The following NUP54 variants were observed in gnomAD, a reference collection of about 807,000 sequenced individuals.
NUP54 encodes the protein nucleoporin p54.
A neutral mutation model predicts 66.4 loss-of-function variants in NUP54; 27 were observed. The ratio of observed to expected loss-of-function variants is 0.41; its 90% CI spans 0.30 to 0.56. NUP54 has a LOEUF of 0.56. NUP54 is among the 20% of genes least tolerant of loss of function. The probability of loss-of-function intolerance (pLI) is 0.34; values close to 1 mark genes in which losing one functional copy is unlikely to be tolerated. For synonymous variants in NUP54, 206 were observed against 210.7 expected (o/e 0.98, Z 0.19); for missense variants, 486 against 596.3 (o/e 0.82, Z 1.93).
At chr4:76,118,933 G>A (rs1730098066) in intron 9 of NUP54, among the ~76,000 whole-genome samples, 1 of 151,972 alleles carries the variant, frequency 6.6e-6, no homozygotes. Context: ...GAAAACCCGG[G>A]AGGCAGAGCT....
At chr4:76,116,929 G>A (rs1729976922) in intron 11 of NUP54, among the ~76,000 whole-genome samples, 2 of 152,118 alleles carry the variant, frequency 1.3e-5, no homozygotes, top group South Asian at 4.1e-4. Context: ...TGGCAAAACA[G>A]GCATACCATA....
intron 11 of NUP54, among the ~76,000 whole-genome samples, chr4:76,116,724 A>T (rs1008212185): frequency 6.6e-6 from 1 of 152,206 alleles, no homozygotes; most frequent in African/African-American, 2.4e-5. Context: ...AGTGCATACA[A>T]ATCATTCTAT....
At position 76,134,795 on chromosome 4, in the gene NUP54, A is replaced by G. The variant is rs534177493; in HGVS notation, c.523-433T>C. 8.5e-5 allele frequency among the ~76,000 whole-genome samples: 13 copies of G among 152,236 alleles called. No homozygotes were observed. In the South Asian group the frequency reaches 2.1e-3, roughly 24 times the overall value. On this transcript the variant is annotated intron_variant, in intron 4 of 11. Transcript: ENST00000264883. ...GAAAGCAATACGCATTCATATATACATACATGTAAACCATACATGGAATTC... is the reference window on the plus strand; with the variant it reads ...GAAAGCAATACGCATTCATATATACGTACATGTAAACCATACATGGAATTC...
Position 76,142,162 on chromosome 4 carries a change from G to A in NUP54, c.295+1987C>T, listed in dbSNP as rs557323419. 3.9e-4 allele frequency among the ~76,000 whole-genome samples: 59 copies of A among 152,294 alleles called. No homozygotes were observed. In the South Asian group the frequency reaches 5.2e-3, roughly 13 times the overall value. ...CCAAATGTAACTACAGTTACTCATAGTTGGAGAGACTTTATTTCAAGAAAC... is the reference window on the plus strand; with the variant it reads ...CCAAATGTAACTACAGTTACTCATAATTGGAGAGACTTTATTTCAAGAAAC... On this transcript the variant is annotated intron_variant, in intron 3 of 11. Coordinates refer to ENST00000264883, the MANE Select transcript of NUP54 (RefSeq NM_017426.4).
chr4:76,120,674 G>A (rs34019987), intron 9 of NUP54, among the ~76,000 whole-genome samples: 27,041 of 152,026 alleles, frequency 0.18, 2,519 homozygotes, highest in East Asian at 0.36. Context: ...TGATCCACCC[G>A]CCTCGGCCTC....
At chr4:76,128,103 G>C (rs573722822) in intron 8 of NUP54, among the ~76,000 whole-genome samples, 1 of 152,284 alleles carries the variant, frequency 6.6e-6, no homozygotes, top group East Asian at 1.9e-4. Flanking sequence ...AGCTCCAAGG[G>C]AAGTCTGCTA....
Position 76,115,200 on chromosome 4 carries a change from C to T in NUP54, c.*166G>A. ...TTTTCTTTGAAGAGCTGTGAGGTGA[C>T]TATTTCAGATTTGATGAACAGTAAT... is the stretch of plus-strand genomic sequence containing the variant. On this transcript the variant is annotated 3_prime_UTR_variant, in exon 12 of 12. Coordinates refer to ENST00000264883, the MANE Select transcript of NUP54 (RefSeq NM_017426.4). 2.0e-6 allele frequency: 1 copy of T among 500,046 alleles called. No homozygotes were observed. Among genetic ancestry groups the T allele is most frequent in the Non-Finnish European group, 3.3e-6 (1 of 300,322 alleles). The allele number at this position is 500,046 out of a possible 1,614,324, so 31.0% of individuals were successfully genotyped here. A position where few individuals can be genotyped will look rare whatever the true frequency, so the allele number is the denominator to read the frequency against.
intron 6 of NUP54, 41 bp from the exon 7 acceptor site, chr4:76,131,325 A>G: frequency 7.9e-7 from 1 of 1,265,128 alleles, no homozygotes; most frequent in Non-Finnish European, 1.1e-6. Context: ...ACAATTTTCT[A>G]TTTTTATAAT....
chr4:76,129,706 A>T (rs1438445213), intron 8 of NUP54, among the ~76,000 whole-genome samples: 1 of 151,898 alleles, frequency 6.6e-6, no homozygotes, highest in African/African-American at 2.4e-5. Context: ...TCTACTAAAA[A>T]TACAAAAAAT....
rs1729894541 is a variant in NUP54 at position 76,115,204 on chromosome 4, T to C, written c.*162A>G. 3 of 527,382 alleles carry C rather than the reference T, an allele frequency of 5.7e-6. No homozygotes were observed. The highest frequency in any genetic ancestry group is 9.3e-6 in the Non-Finnish European group (3 of 323,066). 32.7% of individuals were successfully genotyped at this position (527,382 alleles called of 1,614,324 possible). The stretch of plus-strand genomic sequence containing the variant: ...CTTTGAAGAGCTGTGAGGTGACTAT[T>C]TCAGATTTGATGAACAGTAATTTGT... On this transcript the variant is annotated 3_prime_UTR_variant, in exon 12 of 12. Transcript: ENST00000264883.
rs546772199 is a variant in NUP54, at chr4:76,137,535, C to T, written c.296-1123G>A. Reference sequence around the variant, plus strand: ...TTATATCAAATACCAGCTTACTAAACATTTTCCTTTCTCTCATTATTAAAA... The same window carrying T: ...TTATATCAAATACCAGCTTACTAAATATTTTCCTTTCTCTCATTATTAAAA... On this transcript the variant is annotated intron_variant, in intron 3 of 11. Transcript: ENST00000264883. 2.6e-5 allele frequency among the ~76,000 whole-genome samples: 4 copies of T among 152,078 alleles called. No homozygotes were observed. In the South Asian group the frequency reaches 8.3e-4, roughly 32 times the overall value.
At chr4:76,128,017 AT>A (rs1361127655) in intron 8 of NUP54, among the ~76,000 whole-genome samples, 1 of 152,010 alleles carries the variant, frequency 6.6e-6, no homozygotes, top group Non-Finnish European at 1.5e-5. Flanking sequence ...GAGTTTACCC[AT>A]TTTTCCCCTC....
At position 76,134,278 on chromosome 4, in the gene NUP54, G is replaced by A. The variant is rs770385783; in HGVS notation, c.607C>T (p.Arg203Ter). ...LVFNKKETEI[R>*]SQQQQLVESL... The stretch of plus-strand genomic sequence containing the variant: ...TCTACCAACTGTTGTTGTTGGCTTC[G>A]AATCTCTGTTTCTTTTTTGTTGAAA... The change falls in exon 5 of 12, where the codon CGA becomes TGA. Residue 203 changes from arginine to a stop codon, truncating the protein, a stop_gained. Transcript: ENST00000264883. LOFTEE classifies it high-confidence loss of function. The A allele has an allele frequency of 1.9e-6, 3 of 1,613,606 alleles. No individual in the cohort carries two copies. The highest frequency in any genetic ancestry group is 1.1e-5 in the South Asian group (1 of 91,058).
intron 9 of NUP54, among the ~76,000 whole-genome samples, chr4:76,123,252 T>A (rs983318746): frequency 6.6e-6 from 1 of 152,244 alleles, no homozygotes. Flanking sequence ...TGAAGCTGTA[T>A]AAATTATTCC....
rs147388753 is a variant in NUP54 at position 76,139,368 on chromosome 4, C to T, written c.296-2956G>A. Among the ~76,000 whole-genome samples the T allele has an allele frequency of 1.2e-4, 18 of 152,212 alleles. No homozygotes were observed. In the East Asian group the frequency reaches 2.5e-3, roughly 21 times the overall value. ...CAGCACCACTTGCAAAATGTTCTTA[C>T]CAAAAAAGCAAACGTCAAGTCCCTA... On this transcript the variant is annotated intron_variant, in intron 3 of 11. Coordinates refer to ENST00000264883, the MANE Select transcript of NUP54 (RefSeq NM_017426.4).
At chr4:76,141,837 C>A (rs1731278627) in intron 3 of NUP54, among the ~76,000 whole-genome samples, 1 of 152,150 alleles carries the variant, frequency 6.6e-6, no homozygotes, top group African/African-American at 2.4e-5. Flanking sequence ...TAATCCAATT[C>A]ATATCTATCT....
chr4:76,146,982 G>GATTACATTATTATCATTATAACACA (rs1731529392), intron 1 of NUP54, among the ~76,000 whole-genome samples: 2 of 152,154 alleles, frequency 1.3e-5, no homozygotes, highest in Non-Finnish European at 2.9e-5. Context: ...CTAATCTGCT[G>GATTACATTATTATCATTATAACACA]AGTTGACCAA....
chr4:76,117,860 C>T, intron 10 of NUP54, 86 bp from the exon 11 acceptor site: 3 of 1,193,556 alleles, frequency 2.5e-6, no homozygotes, highest in Non-Finnish European at 3.7e-6. Context: ...GGTTTCAAAA[C>T]CATCTATTAA....
intron 9 of NUP54, 60 bp from the exon 10 acceptor site, chr4:76,118,254 T>A: frequency 6.8e-7 from 1 of 1,460,774 alleles, no homozygotes; most frequent in Non-Finnish European, 9.5e-7. Context: ...ATGCAAGTAG[T>A]AGTAGTACAA....
Sources: gnomAD v4.1 joint callset for allele counts (sites outside exome capture counted in the v4.1 genomes callset) on GRCh38, gnomAD v4.1.1 for gene constraint, MANE v1.5 for transcripts, NCBI Gene and HGNC (gene_info 2026-07-23, HGNC 2026-07-21) for gene names.